TGM3: variants seen among roughly 807,000 people sequenced by gnomAD.
TGM3 encodes transglutaminase 3, also known as protein-glutamine gamma-glutamyltransferase E.
A neutral mutation model predicts 73.8 loss-of-function variants in TGM3; 52 were observed. The ratio of observed to expected loss-of-function variants is 0.70; its 90% CI spans 0.56 to 0.89. TGM3 has a LOEUF of 0.89. Among genes scored for constraint, TGM3 ranks in the 40% least tolerant of loss-of-function variants. The pLI, the probability that TGM3 is intolerant of heterozygous loss-of-function variation, is 0.00. For missense variants in TGM3, 928 were observed against 909.9 expected (o/e 1.02, Z -0.26); for synonymous variants, 372 against 354.9 (o/e 1.05, Z -0.54).
intron 2 of TGM3, 87 bp from the exon 3 acceptor site, chr20:2,310,091 C>T: frequency 5.1e-6 from 8 of 1,567,280 alleles, no homozygotes; most frequent in Non-Finnish European, 6.9e-6. Context: ...GGCTCATGTC[C>T]CCCAGAGGGG....
chr20:2,308,556 G>A (rs543386353), intron 1 of TGM3, among the ~76,000 whole-genome samples: 1 of 152,280 alleles, frequency 6.6e-6, no homozygotes, highest in South Asian at 2.1e-4. Context: ...TTGTCCTCGG[G>A]TCTTATCCAG....
In TGM3 at chr20:2,309,322, G is replaced by A. The variant is rs143049060; in HGVS notation, c.8-335G>A. ...ACATTTGGCCCGTTCCTTAAGGGCC[G>A]AGTGACAGCTCAGCAGATGGAGGGG... On this transcript the variant is annotated intron_variant, in intron 1 of 12. Coordinates refer to ENST00000381458, the MANE Select transcript of TGM3 (RefSeq NM_003245.4). Among the ~76,000 whole-genome samples, 370 of 152,294 alleles carry A rather than the reference G, an allele frequency of 2.4e-3. 4 individuals are homozygous for A. Among genetic ancestry groups the A allele is most frequent in the Non-Finnish European group, 9.7e-4 (66 of 68,016 alleles).
Position 2,339,876 on chromosome 20 carries a change from G to A in TGM3, c.1823G>A (p.Arg608Gln), listed in dbSNP as rs374127604. Reference sequence around the variant, plus strand: ...TAGGTGCTGAACGAGGCTCGTGTGCGGAAGCCTGTGAACGTGCAGATGCTC... The same window carrying A: ...TAGGTGCTGAACGAGGCTCGTGTGCAGAAGCCTGTGAACGTGCAGATGCTC... ...TLEVLNEARV[R>Q]KPVNVQMLFS... The change falls in exon 12 of 13, where the codon CGG becomes CAG. Residue 608 changes from arginine (R) to glutamine (Q), a missense_variant. Arg to Gln is a conservative substitution (Grantham distance 43). Coordinates refer to ENST00000381458, the MANE Select transcript of TGM3 (RefSeq NM_003245.4). The A allele has an allele frequency of 2.3e-5, 37 of 1,613,962 alleles. No individual in the cohort carries two copies. The highest frequency in any genetic ancestry group is 1.6e-4 in the Middle Eastern group (1 of 6,084).
At chr20:2,320,180 C>T (rs78288946) in intron 7 of TGM3, among the ~76,000 whole-genome samples, 112 of 152,196 alleles carry the variant, frequency 7.4e-4, no homozygotes, top group Non-Finnish European at 1.1e-3. Flanking sequence ...TTGTATGTTA[C>T]CAAAAAGTGT....
chr20:2,310,159 C>T lies in TGM3; in HGVS notation c.182-19C>T. The T allele has an allele frequency of 1.2e-6, 2 of 1,613,602 alleles. No homozygotes were observed. Among genetic ancestry groups the T allele is most frequent in the South Asian group, 1.1e-5 (1 of 91,072 alleles). On this transcript the variant is annotated intron_variant, in intron 2 of 12. Coordinates refer to ENST00000381458, the MANE Select transcript of TGM3 (RefSeq NM_003245.4). ...GACCAGTGCTTGTTGGTTTTCTCAA[C>T]CTCTGTCTTCTTTGACAGGGCCTTA... is the stretch of plus-strand genomic sequence containing the variant.
At position 2,332,372 on chromosome 20, in the gene TGM3, C is replaced by T; in HGVS notation, c.1642+62C>T. 6.8e-7 allele frequency: 1 copy of T among 1,465,476 alleles called. No individual in the cohort carries two copies. The highest frequency in any genetic ancestry group is 9.1e-7 in the Non-Finnish European group (1 of 1,102,276). The allele number at this position is 1,465,476 out of a possible 1,614,324, so 90.8% of individuals were successfully genotyped here. A position where few individuals can be genotyped will look rare whatever the true frequency, so the allele number is the denominator to read the frequency against. On this transcript the variant is annotated intron_variant, in intron 10 of 12. Transcript: ENST00000381458. The surrounding 1 kb of genome is among the most constrained non-coding windows in gnomAD (Gnocchi z 4.4). The stretch of plus-strand genomic sequence containing the variant: ...CGAGGTAGCCAATGGCCTTCTGGGG[C>T]TGCAGGGTGTCTGCTGGGCTCCAGG...
At chr20:2,327,279 G>C (rs967159375) in intron 8 of TGM3, among the ~76,000 whole-genome samples, 4 of 151,924 alleles carry the variant, frequency 2.6e-5, no homozygotes, top group African/African-American at 9.7e-5. Flanking sequence ...GACCATCCTG[G>C]CTAACATGGT....
At position 2,325,889 on chromosome 20, in the gene TGM3, G is replaced by T; in HGVS notation, c.1024G>T (p.Asp342Tyr). ...VWNEGWFVRS[D>Y]LGPSYGGWQV... ...GAATGAAGGCTGGTTTGTGAGGTCT[G>T]ACCTGGGCCCCTCGTACGGTGGATG... Residue 342 changes from aspartate to tyrosine, a missense_variant, in exon 8 of 13, where the codon GAC (aspartate) becomes TAC (tyrosine). Asp to Tyr is a radical substitution (Grantham distance 160). Transcript: ENST00000381458. 1 of 1,587,022 alleles carries T rather than the reference G, an allele frequency of 6.3e-7. No homozygotes were observed.
At chr20:2,325,742 T>C (rs1223943651) in intron 7 of TGM3, 107 bp from the exon 8 acceptor site, 1 of 796,194 alleles carries the variant, frequency 1.3e-6, no homozygotes, top group East Asian at 2.7e-5. Flanking sequence ...GCAAACTCAC[T>C]CGATGCATGT....
At chr20:2,326,008 G>T in intron 8 of TGM3, 56 bp downstream of exon 8, 5 of 1,518,700 alleles carry the variant, frequency 3.3e-6, no homozygotes, top group Non-Finnish European at 4.5e-6. Context: ...TTACAGCCAT[G>T]GACAGCAGCA....
Position 2,340,732 on chromosome 20 carries a change from C to A in TGM3, c.*151C>A. On this transcript the variant is annotated 3_prime_UTR_variant, in exon 13 of 13. Coordinates refer to ENST00000381458, the MANE Select transcript of TGM3 (RefSeq NM_003245.4). ...ATGGACCTCCAGGCTCCAGCACATC[C>A]CCCTCTCCTCTCCCCCAGGTTGGGG... 1.0e-6 allele frequency: 1 copy of A among 983,982 alleles called. No homozygotes were observed. The highest frequency in any genetic ancestry group is 1.4e-5 in the South Asian group (1 of 69,634). The allele number at this position is 983,982 out of a possible 1,614,324, so 61.0% of individuals were successfully genotyped here.
At chr20:2,318,298 C>T (rs978716906) in intron 7 of TGM3, among the ~76,000 whole-genome samples, 31 of 152,240 alleles carry the variant, frequency 2.0e-4, no homozygotes, top group South Asian at 1.4e-3. Flanking sequence ...GGATTACAGG[C>T]GTAAGCCACT....
chr20:2,313,253 A>C (rs985353702), intron 5 of TGM3, among the ~76,000 whole-genome samples: 2 of 152,232 alleles, frequency 1.3e-5, no homozygotes, highest in Non-Finnish European at 2.9e-5. Flanking sequence ...AGCCAGACCC[A>C]GGTCCAGCCA....
chr20:2,324,040 C>A (rs1329202420), intron 7 of TGM3, among the ~76,000 whole-genome samples: 1 of 151,952 alleles, frequency 6.6e-6, no homozygotes, highest in Admixed American at 6.5e-5. Context: ...ATTTTCTCTG[C>A]TTTATTGATT....
Position 2,328,223 on chromosome 20 carries a change from C to T in TGM3, c.1191C>T (p.Arg397=). Reference sequence around the variant, plus strand: ...TCTTCGCGGAGGTTAATGCCGACCGCATCACCTGGCTGTACGACAACACCA... The same window carrying T: ...TCTTCGCGGAGGTTAATGCCGACCGTATCACCTGGCTGTACGACAACACCA... ...PFIFAEVNAD[R]ITWLYDNTTG... Residue 397 remains arginine (R), a synonymous_variant, in exon 9 of 13, where the codon CGC becomes CGT. Transcript: ENST00000381458. This position sits in a 1 kb window ranked among gnomAD's most constrained non-coding sequence, Gnocchi z 5.2. 6.2e-7 allele frequency: 1 copy of T among 1,614,196 alleles called. No individual in the cohort carries two copies. Among genetic ancestry groups the T allele is most frequent in the Non-Finnish European group, 8.5e-7 (1 of 1,180,036 alleles).
chr20:2,319,473 G>C (rs576444804), intron 7 of TGM3, among the ~76,000 whole-genome samples: 1 of 152,336 alleles, frequency 6.6e-6, no homozygotes. Context: ...CTCAAGGAAG[G>C]CGTCCTGGAA....
chr20:2,310,911 C>G, intron 3 of TGM3, 100 bp from the exon 4 acceptor site: 1 of 1,049,534 alleles, frequency 9.5e-7, no homozygotes, highest in Non-Finnish European at 1.5e-6. Context: ...GGGGCTTGCT[C>G]CAACCCCCAG....
At chr20:2,299,820 G>A (rs1285368470) in intron 1 of TGM3, among the ~76,000 whole-genome samples, 6 of 152,308 alleles carry the variant, frequency 3.9e-5, no homozygotes, top group Non-Finnish European at 5.9e-5. Flanking sequence ...AATGCTGGCC[G>A]GGTGCAATGG....
chr20:2,310,325 G>T lies in TGM3; in HGVS notation c.329G>T (p.Arg110Leu). 1 of 1,614,182 alleles carries T rather than the reference G, an allele frequency of 6.2e-7. No individual in the cohort carries two copies. Among genetic ancestry groups the T allele is most frequent in the Non-Finnish European group, 8.5e-7 (1 of 1,180,024 alleles). The change falls in exon 3 of 13, where the codon CGG becomes CTG. Residue 110 changes from arginine to leucine, a missense_variant. Coordinates refer to ENST00000381458, the MANE Select transcript of TGM3 (RefSeq NM_003245.4). ...ISSPASAPIG[R>L]YTMALQIFSQ... ...AGTCCTGCCAGCGCACCCATAGGAC[G>T]GTACACAATGGCCCTCCAGATCTTC...
Sources: allele counts gnomAD v4.1 joint callset (sites outside exome capture counted in the v4.1 genomes callset), GRCh38; gene constraint gnomAD v4.1.1; non-coding constraint Gnocchi (gnomAD v3.1); transcripts MANE v1.5; gene names NCBI Gene and HGNC (gene_info 2026-07-23, HGNC 2026-07-21).